The following MVP variants were observed in gnomAD, a reference collection of about 807,000 sequenced individuals.
MVP encodes lung resistance-related protein.
A neutral mutation model predicts 83.5 loss-of-function variants in MVP; 62 were observed. The observed-to-expected ratio is 0.74, with a 90% CI of 0.61 to 0.92. The LOEUF is 0.92. Ranked by LOEUF, MVP falls within the 40% of genes least tolerant of loss-of-function variation. The pLI is 0.00. For synonymous variants in MVP, 505 were observed against 504.1 expected (o/e 1.00, Z -0.02); for missense variants, 1,000 against 1,203.4 (o/e 0.83, Z 2.50).
intron 3 of MVP, among the ~76,000 whole-genome samples, chr16:29,832,933 C>T (rs574813842): frequency 9.9e-5 from 15 of 152,122 alleles, no homozygotes; most frequent in Admixed American, 5.9e-4. Context: ...GGCGTGGTGG[C>T]ATGCGCCTGT....
At position 29,844,540 on chromosome 16, in the gene MVP, T is replaced by G; in HGVS notation, c.1682T>G (p.Leu561Arg). Residue 561 changes from leucine to arginine, a missense_variant, in exon 11 of 15, where the codon CTC becomes CGC. By Grantham distance (102) the Leu-to-Arg change is moderately radical. Coordinates refer to ENST00000357402, the MANE Select transcript of MVP (RefSeq NM_005115.5). ...AAGGACCCCCAAGAGACGGCCAAGC[T>G]CTTTTCAGTGCCAGACTTTGTAGGT... ...DRKDPQETAK[L>R]FSVPDFVGDA... is the part of the protein sequence containing the mutation. The G allele has an allele frequency of 6.3e-7, 1 of 1,580,294 alleles. No homozygotes were observed. The highest frequency in any genetic ancestry group is 8.6e-7 in the Non-Finnish European group (1 of 1,161,634).
At chr16:29,842,281 G>T (rs2063913115) in intron 10 of MVP, among the ~76,000 whole-genome samples, 169 bp downstream of exon 10, 1 of 151,886 alleles carries the variant, frequency 6.6e-6, no homozygotes, top group Non-Finnish European at 1.5e-5. Context: ...TTTGTTTTTT[G>T]TTTTTTTAGT....
At chr16:29,822,268 T>C (rs1596904854) in intron 1 of MVP, among the ~76,000 whole-genome samples, 1 of 150,860 alleles carries the variant, frequency 6.6e-6, no homozygotes, top group Non-Finnish European at 1.5e-5. Flanking sequence ...CAAGTGGAAG[T>C]CTAGGCTGGC....
At chr16:29,834,142 G>A in intron 5 of MVP, 76 bp downstream of exon 5, 3 of 1,560,240 alleles carry the variant, frequency 1.9e-6, no homozygotes, top group Non-Finnish European at 2.6e-6. Context: ...GGAAGGTTGA[G>A]GAAAGCCTCC....
chr16:29,844,901 G>A, intron 11 of MVP, 22 bp downstream of exon 11: 2 of 1,584,294 alleles, frequency 1.3e-6, no homozygotes, highest in Non-Finnish European at 8.5e-7. Flanking sequence ...TGGGAGCTCG[G>A]CTGCCTATAA....
At chr16:29,835,552 T>TA (rs2067479134) in intron 5 of MVP, 152 bp from the exon 6 acceptor site, 2 of 383,758 alleles carry the variant, frequency 5.2e-6, no homozygotes, top group Admixed American at 4.2e-5. Flanking sequence ...AAAGAATGAA[T>TA]AAGAGGACCG....
At chr16:29,827,170 C>T (rs903995255) in intron 1 of MVP, among the ~76,000 whole-genome samples, 1 of 152,156 alleles carries the variant, frequency 6.6e-6, no homozygotes, top group East Asian at 1.9e-4. Context: ...TGATGTTAGA[C>T]AAGCCACCCT....
At chr16:29,836,596 T>C in intron 6 of MVP, 126 bp from the exon 7 acceptor site, 1 of 666,282 alleles carries the variant, frequency 1.5e-6, no homozygotes, top group Non-Finnish European at 2.5e-6. Context: ...AAAAAAACAA[T>C]CCCTGGATTG....
At chr16:29,839,713 G>A (rs2067517125) in intron 7 of MVP, among the ~76,000 whole-genome samples, 1 of 147,636 alleles carries the variant, frequency 6.8e-6, no homozygotes, top group Non-Finnish European at 1.5e-5. Flanking sequence ...GAGCCTGGAA[G>A]GTTGAGGCTG....
chr16:29,844,834 A>G lies in MVP; in HGVS notation c.1976A>G (p.Gln659Arg). The G allele has an allele frequency of 6.2e-7, 1 of 1,606,630 alleles. No homozygotes were observed. The highest frequency in any genetic ancestry group is 8.5e-7 in the Non-Finnish European group (1 of 1,179,910). Residue 659 changes from glutamine to arginine, a missense_variant, in exon 11 of 15, where the codon CAG becomes CGG. By Grantham distance (43) the Gln-to-Arg change is conservative. Transcript: ENST00000357402. ...RTRDALQRSVQLAIEITTNSQ... is the reference protein window; with the variant it reads ...RTRDALQRSVRLAIEITTNSQ... ...CGGGACGCCCTGCAACGCAGCGTCC[A>G]GCTGGCCATCGAGATCACCACCAAC... is the stretch of plus-strand genomic sequence containing the variant.
chr16:29,845,410 G>T (rs1007640936), intron 11 of MVP, among the ~76,000 whole-genome samples: 1 of 151,918 alleles, frequency 6.6e-6, no homozygotes, highest in African/African-American at 2.4e-5. Context: ...GCACAGCTTG[G>T]ACCCACCTGA....
chr16:29,824,646 T>A (rs1019267960), intron 1 of MVP, among the ~76,000 whole-genome samples: 1 of 152,106 alleles, frequency 6.6e-6, no homozygotes, highest in Non-Finnish European at 1.5e-5. Context: ...TAATTCCAGC[T>A]ACTCGGGAGG....
intron 10 of MVP, among the ~76,000 whole-genome samples, chr16:29,843,212 C>G (rs1173848675): frequency 6.6e-6 from 1 of 152,018 alleles, no homozygotes; most frequent in South Asian, 2.1e-4. Flanking sequence ...GTGTTCATGA[C>G]TGGGTACTGT....
Position 29,847,877 on chromosome 16 carries a change from C to T in MVP, c.2570C>T (p.Pro857Leu), listed in dbSNP as rs774260885. The T allele has an allele frequency of 5.0e-6, 8 of 1,614,150 alleles. No individual in the cohort carries two copies. In the East Asian group the frequency reaches 1.6e-4, roughly 31 times the overall value. Residue 857 changes from proline to leucine, a missense_variant, in exon 15 of 15, where the codon CCC becomes CTC. Physicochemically the swap from Pro to Leu is moderately conservative, Grantham distance 98 (BLOSUM62 -3). Transcript: ENST00000357402. ...CTGGGGATGGGGCCCGAGGGTCAGC[C>T]CCTGGGCAGAAGGGTGGCCAGTGGG... Reference protein sequence around the residue: ...GLLGMGPEGQPLGRRVASGPS... With the variant: ...GLLGMGPEGQLLGRRVASGPS...
intron 7 of MVP, among the ~76,000 whole-genome samples, chr16:29,839,724 C>T (rs1481773995): frequency 1.6e-5 from 2 of 125,410 alleles, no homozygotes; most frequent in Non-Finnish European, 3.1e-5. Flanking sequence ...GTTGAGGCTG[C>T]AGAGAGCTGA....
At chr16:29,823,554 T>C (rs2067380358) in intron 1 of MVP, among the ~76,000 whole-genome samples, 1 of 151,892 alleles carries the variant, frequency 6.6e-6, no homozygotes, top group African/African-American at 2.4e-5. Context: ...CAATCCTGGA[T>C]ATATATTAAG....
Position 29,840,261 on chromosome 16 carries a change from G to T in MVP, c.993G>T (p.Gly331=), listed in dbSNP as rs752061864. ...QDVYVLSEQQ[G]LLLRALQPLE... The stretch of plus-strand genomic sequence containing the variant: ...TGTATGTGCTGTCGGAGCAGCAGGG[G>T]CTGCTGCTGAGGGCCCTGCAGCCCC... The change falls in exon 8 of 15, where the codon GGG becomes GGT. Residue 331 remains glycine (G), a synonymous_variant. Transcript: ENST00000357402. The T allele has an allele frequency of 1.1e-5, 18 of 1,613,876 alleles. No individual in the cohort carries two copies. The highest frequency in any genetic ancestry group is 1.4e-5 in the Non-Finnish European group (16 of 1,179,926).
At chr16:29,833,064 C>CA (rs200615920) in intron 3 of MVP, among the ~76,000 whole-genome samples, 1,041 of 87,276 alleles carry the variant, frequency 0.012, 3 homozygotes, top group Middle Eastern at 0.024. Context: ...GACTCTGTCT[C>CA]AAAAAAAAAA....
intron 14 of MVP, 110 bp from the exon 15 acceptor site, chr16:29,847,652 G>A (rs1386680604): frequency 1.8e-6 from 2 of 1,109,530 alleles, no homozygotes; most frequent in Non-Finnish European, 2.7e-6. Flanking sequence ...CAAGCAGGGT[G>A]GTCAGATGCA....
Sources: allele counts gnomAD v4.1 joint callset (sites outside exome capture counted in the v4.1 genomes callset), GRCh38; gene constraint gnomAD v4.1.1; transcripts MANE v1.5; gene names NCBI Gene and HGNC (gene_info 2026-07-23, HGNC 2026-07-21).